TMEM178B: variants seen among roughly 807,000 people sequenced by gnomAD.
The protein encoded by TMEM178B is transmembrane protein 178B.
TMEM178B carries 5 observed loss-of-function variants against 31.0 expected under a neutral mutation model. The ratio of observed to expected loss-of-function variants is 0.16; its 90% CI spans 0.08 to 0.34. The LOEUF (loss-of-function observed/expected upper bound fraction) is 0.34. Among genes scored for constraint, TMEM178B ranks in the 10% least tolerant of loss-of-function variants. The pLI, the probability that TMEM178B is intolerant of heterozygous loss-of-function variation, is 1.00. For synonymous variants in TMEM178B, 164 were observed against 164.0 expected (o/e 1.00, Z 0.00); for missense variants, 275 against 400.3 (o/e 0.69, Z 2.67).
the TMEM178B span, among the ~76,000 whole-genome samples, chr7:141,495,384 G>T: frequency 1.3e-5 from 2 of 152,188 alleles, no homozygotes; most frequent in Non-Finnish European, 2.9e-5. Context: ...CACCAACAAT[G>T]CCTTGCTGGT....
intron 2 of TMEM178B, among the ~76,000 whole-genome samples, chr7:141,356,676 T>G (rs1799825709): frequency 6.6e-6 from 1 of 151,444 alleles, no homozygotes; most frequent in East Asian, 2.0e-4. Flanking sequence ...TGCCTCAGGA[T>G]GAGCTGTCCA....
chr7:141,139,383 G>A (rs1166178950), intron 1 of TMEM178B, among the ~76,000 whole-genome samples: 2 of 149,394 alleles, frequency 1.3e-5, no homozygotes, highest in South Asian at 2.1e-4. Context: ...GCAGAGTCTC[G>A]CTGTTTTGCC....
intron 1 of TMEM178B, among the ~76,000 whole-genome samples, chr7:141,100,736 T>A (rs1795042980): frequency 6.6e-6 from 1 of 152,204 alleles, no homozygotes; most frequent in Non-Finnish European, 1.5e-5. Flanking sequence ...ATGTAGAATA[T>A]ATATATGCAG....
At chr7:141,255,421 T>C (rs1797910998) in intron 2 of TMEM178B, among the ~76,000 whole-genome samples, 1 of 152,240 alleles carries the variant, frequency 6.6e-6, no homozygotes, top group South Asian at 2.1e-4. Context: ...CAGTGGTTTC[T>C]AACCGTTTGA....
At chr7:141,449,992 C>T (rs1253407903) in intron 3 of TMEM178B, among the ~76,000 whole-genome samples, 1 of 152,214 alleles carries the variant, frequency 6.6e-6, no homozygotes, top group Non-Finnish European at 1.5e-5. Context: ...CTCATCCTAA[C>T]AGAGTCTGGG....
At chr7:141,315,474 TCACTTTCCTCTTC>T (rs74991660) in intron 2 of TMEM178B, among the ~76,000 whole-genome samples, 24,668 of 152,234 alleles carry the variant, frequency 0.16, 2,423 homozygotes, top group Non-Finnish European at 0.22. Context: ...GAATGCCCTC[TCACTTTCCTCTTC>T]TCATTTGCAA....
At chr7:141,345,431 T>C (rs1278579486) in intron 2 of TMEM178B, among the ~76,000 whole-genome samples, 1 of 152,194 alleles carries the variant, frequency 6.6e-6, no homozygotes, top group Non-Finnish European at 1.5e-5. Flanking sequence ...CTTGATTTTG[T>C]TTTGGTTTTG....
chr7:141,455,756 C>A (rs1801951206), intron 3 of TMEM178B, among the ~76,000 whole-genome samples: 1 of 152,160 alleles, frequency 6.6e-6, no homozygotes, highest in African/African-American at 2.4e-5. Context: ...ATTCAGTGAC[C>A]CAGTGGTGGG....
intron 2 of TMEM178B, among the ~76,000 whole-genome samples, chr7:141,216,685 T>C (rs912382936): frequency 2.6e-5 from 4 of 152,052 alleles, no homozygotes; most frequent in Admixed American, 6.5e-5. Flanking sequence ...GCCTTTCGCC[T>C]TCTCACCCTG....
At chr7:141,163,557 G>C (rs1796212899) in intron 1 of TMEM178B, among the ~76,000 whole-genome samples, 1 of 150,106 alleles carries the variant, frequency 6.7e-6, no homozygotes, top group Non-Finnish European at 1.5e-5. Context: ...CTGTGGCCCA[G>C]GCTGGTGTGC....
chr7:141,322,924 G>A (rs1018484092), intron 2 of TMEM178B, among the ~76,000 whole-genome samples: 4 of 152,044 alleles, frequency 2.6e-5, no homozygotes, highest in African/African-American at 9.7e-5. Flanking sequence ...CTAGACTTCT[G>A]GCTATTAACG....
rs141500617 is a variant in TMEM178B at position 141,146,487 on chromosome 7, T to C, written c.383-66104T>C. 2.8e-3 allele frequency among the ~76,000 whole-genome samples: 422 copies of C among 152,336 alleles called. 6 individuals are homozygous for C. Among genetic ancestry groups the C allele is most frequent in the African/African-American group, 9.5e-3 (396 of 41,568 alleles). ...TTTAGCTAAGTGATGTTGGATATAT[T>C]ACCTAACTTTCCTGCACCTTGTTAC... On this transcript the variant is annotated intron_variant, in intron 1 of 3. Transcript: ENST00000565468.
intron 2 of TMEM178B, among the ~76,000 whole-genome samples, chr7:141,411,644 A>G (rs138757162): frequency 1.6e-4 from 24 of 152,346 alleles, no homozygotes; most frequent in African/African-American, 5.8e-4. Context: ...TGTTTGGCGC[A>G]TTCAATTTAA....
At chr7:141,342,325 T>C (rs898614122) in intron 2 of TMEM178B, among the ~76,000 whole-genome samples, 3 of 152,238 alleles carry the variant, frequency 2.0e-5, no homozygotes, top group Non-Finnish European at 4.4e-5. Context: ...ACCTTCCCGA[T>C]GTGGATAAGT....
At chr7:141,483,249 G>A (rs1404012468), downstream of TMEM178B, among the ~76,000 whole-genome samples, 1 of 152,192 alleles carries the variant, frequency 6.6e-6, no homozygotes, top group Non-Finnish European at 1.5e-5. Context: ...ACTACACACT[G>A]AGCTATGTGC....
intron 2 of TMEM178B, among the ~76,000 whole-genome samples, chr7:141,348,176 G>A (rs1012699698): frequency 1.2e-4 from 19 of 152,090 alleles, no homozygotes; most frequent in Middle Eastern, 3.2e-3. Flanking sequence ...GTTTTTTATC[G>A]TTGTTTCTTG....
intron 1 of TMEM178B, among the ~76,000 whole-genome samples, chr7:141,090,510 A>G (rs1794865030): frequency 6.6e-6 from 1 of 152,224 alleles, no homozygotes; most frequent in South Asian, 2.1e-4. Flanking sequence ...CTCCTCTGAT[A>G]GTGACTTTGG....
chr7:141,205,887 A>G (rs1172128978), intron 1 of TMEM178B, among the ~76,000 whole-genome samples: 1 of 152,200 alleles, frequency 6.6e-6, no homozygotes, highest in Admixed American at 6.5e-5. Flanking sequence ...GTGTCACTGC[A>G]CGCAGTTTCT....
At chr7:141,104,467 G>A (rs1011740151) in intron 1 of TMEM178B, among the ~76,000 whole-genome samples, 1 of 152,140 alleles carries the variant, frequency 6.6e-6, no homozygotes, top group Non-Finnish European at 1.5e-5. Context: ...ATGCAATTTG[G>A]CATTCAGAGT....
Sources: allele counts gnomAD v4.1 joint callset (sites outside exome capture counted in the v4.1 genomes callset), GRCh38; gene constraint gnomAD v4.1.1; transcripts MANE v1.5; gene names NCBI Gene and HGNC (gene_info 2026-07-23, HGNC 2026-07-21).